The following LRP1B variants were observed in gnomAD, a reference collection of about 807,000 sequenced individuals.
The protein encoded by LRP1B is low-density lipoprotein receptor-related protein 1B.
LRP1B carries 217 observed loss-of-function variants against 556.6 expected under a neutral mutation model. The ratio of observed to expected loss-of-function variants is 0.39; its 90% CI spans 0.35 to 0.44. The LOEUF is 0.44. Among genes scored for constraint, LRP1B ranks in the 20% least tolerant of loss-of-function variants. LRP1B has a pLI of 1.00. For missense variants in LRP1B, 5,053 were observed against 5,620.8 expected, an observed-to-expected ratio of 0.90 and a Z score of 3.23; for synonymous variants, 2,047 against 1,865.8, an observed-to-expected ratio of 1.10 and a Z score of -2.50.
At chr2:141,157,343 A>G (rs1443929813) in intron 7 of LRP1B, among the ~76,000 whole-genome samples, 1 of 152,104 alleles carries the variant, frequency 6.6e-6, no homozygotes, top group African/African-American at 2.4e-5. Flanking sequence ...GTATTTTCCA[A>G]ATTGTGATAT....
chr2:141,573,871 A>T (rs1174369201), intron 2 of LRP1B, among the ~76,000 whole-genome samples: 1 of 152,036 alleles, frequency 6.6e-6, no homozygotes, highest in Non-Finnish European at 1.5e-5. Flanking sequence ...TTGCTGGACA[A>T]ATACACTCTA....
chr2:140,262,712 G>C (rs112724352), intron 86 of LRP1B, among the ~76,000 whole-genome samples: 17 of 152,134 alleles, frequency 1.1e-4, no homozygotes, highest in African/African-American at 2.6e-4. Context: ...ACTTCTAAAG[G>C]GGGGGAGTCC....
intron 41 of LRP1B, among the ~76,000 whole-genome samples, chr2:140,613,470 C>T (rs114713582): frequency 0.051 from 6,151 of 120,128 alleles, 179 homozygotes; most frequent in Middle Eastern, 0.12. Flanking sequence ...CTCCTACTTC[C>T]CATGGTGAGT....
At chr2:141,808,710 C>T (rs567101441) in intron 2 of LRP1B, among the ~76,000 whole-genome samples, 7 of 152,138 alleles carry the variant, frequency 4.6e-5, no homozygotes, top group African/African-American at 1.2e-4. Context: ...CCCAAAAGAC[C>T]GTATATTCAA....
chr2:140,739,094 T>C (rs1315904023), intron 35 of LRP1B, among the ~76,000 whole-genome samples: 1 of 152,176 alleles, frequency 6.6e-6, no homozygotes, highest in Non-Finnish European at 1.5e-5. Context: ...TTTATTCATA[T>C]GTGAGACATC....
intron 29 of LRP1B, among the ~76,000 whole-genome samples, chr2:140,842,114 C>A (rs902081088): frequency 2.0e-5 from 3 of 152,192 alleles, no homozygotes; most frequent in Non-Finnish European, 4.4e-5. Context: ...TGATTCCAAT[C>A]AAAACTTCTG....
At chr2:141,573,510 C>T (rs1460123564) in intron 2 of LRP1B, among the ~76,000 whole-genome samples, 1 of 151,772 alleles carries the variant, frequency 6.6e-6, no homozygotes, top group Non-Finnish European at 1.5e-5. Flanking sequence ...CTCAAATTGA[C>T]ACCCTAACAT....
At chr2:141,271,423 A>G (rs1163971753) in intron 3 of LRP1B, among the ~76,000 whole-genome samples, 1 of 151,834 alleles carries the variant, frequency 6.6e-6, no homozygotes, top group Admixed American at 6.6e-5. Flanking sequence ...GGATAAACAC[A>G]AAGGCATTCA....
At chr2:140,983,773 G>T (rs1696841049) in intron 17 of LRP1B, among the ~76,000 whole-genome samples, 1 of 151,870 alleles carries the variant, frequency 6.6e-6, no homozygotes, top group South Asian at 2.1e-4. Flanking sequence ...ATTTTGCTTT[G>T]CTTATGTGAT....
intron 43 of LRP1B, among the ~76,000 whole-genome samples, chr2:140,588,361 G>A (rs1354359727): frequency 6.6e-6 from 1 of 152,158 alleles, no homozygotes; most frequent in Non-Finnish European, 1.5e-5. Context: ...GGTGATGCTT[G>A]TAGACTGATA....
intron 2 of LRP1B, among the ~76,000 whole-genome samples, chr2:141,696,621 T>C (rs1173419007): frequency 6.6e-6 from 1 of 151,936 alleles, no homozygotes. Context: ...GCTACAACAT[T>C]CTATTTTGAA....
chr2:141,906,602 A>G (rs1261318746), intron 1 of LRP1B, among the ~76,000 whole-genome samples: 1 of 152,026 alleles, frequency 6.6e-6, no homozygotes, highest in Admixed American at 6.6e-5. Flanking sequence ...TGTGACTTTT[A>G]TGTTGCTCAT....
intron 75 of LRP1B, among the ~76,000 whole-genome samples, chr2:140,353,680 T>C (rs1518450): frequency 0.45 from 67,635 of 151,870 alleles, 15,763 homozygotes; most frequent in Non-Finnish European, 0.53. Flanking sequence ...TTTCTCCAGT[T>C]TTTGCTCTCC....
intron 7 of LRP1B, among the ~76,000 whole-genome samples, chr2:141,097,966 T>A (rs143261459): frequency 6.6e-6 from 1 of 152,220 alleles, no homozygotes; most frequent in Non-Finnish European, 1.5e-5. Context: ...TAAAAATCTA[T>A]GGTGAACAAT....
At chr2:141,061,574 T>C (rs1436512952) in intron 8 of LRP1B, among the ~76,000 whole-genome samples, 2 of 151,792 alleles carry the variant, frequency 1.3e-5, no homozygotes, top group South Asian at 2.1e-4. Context: ...TAGGAAGTAC[T>C]TGAATACATC....
chr2:140,810,524 C>T (rs1690881380), intron 32 of LRP1B, among the ~76,000 whole-genome samples: 1 of 151,610 alleles, frequency 6.6e-6, no homozygotes, highest in Non-Finnish European at 1.5e-5. Context: ...TAGGCCATCA[C>T]ATTTTTTTTT....
intron 2 of LRP1B, among the ~76,000 whole-genome samples, chr2:141,763,336 C>A (rs1694623136): frequency 1.3e-5 from 2 of 151,876 alleles, no homozygotes; most frequent in East Asian, 3.9e-4. Context: ...AAAGCTCAAA[C>A]CTATACTAAG....
intron 2 of LRP1B, among the ~76,000 whole-genome samples, chr2:141,556,674 G>T (rs1474150729): frequency 6.6e-6 from 1 of 151,780 alleles, no homozygotes; most frequent in Non-Finnish European, 1.5e-5. Context: ...AGGTTAGTAT[G>T]GGTTAAGAAC....
chr2:140,889,403 CT>C (rs2105198393), intron 23 of LRP1B, among the ~76,000 whole-genome samples: 1 of 152,306 alleles, frequency 6.6e-6, no homozygotes, highest in Admixed American at 6.5e-5. Flanking sequence ...TTAAGAAATT[CT>C]CATGCCTCAG....
Sources: allele counts gnomAD v4.1 joint callset (sites outside exome capture counted in the v4.1 genomes callset), GRCh38; gene constraint gnomAD v4.1.1; transcripts MANE v1.5; gene names NCBI Gene and HGNC (gene_info 2026-07-23, HGNC 2026-07-21).